The following STAB1 variants were observed in gnomAD, a reference collection of about 807,000 sequenced individuals.
STAB1 encodes the protein stabilin 1.
In STAB1, 250 loss-of-function variants were observed where a neutral mutation model predicts 332.4. That is an observed-to-expected ratio of 0.75 (90% CI 0.68 to 0.84). The LOEUF (loss-of-function observed/expected upper bound fraction) is 0.84. Among genes scored for constraint, STAB1 ranks in the 40% least tolerant of loss-of-function variants. The pLI, the probability that STAB1 is intolerant of heterozygous loss-of-function variation, is 0.00. For missense variants in STAB1, 3,249 were observed against 3,489.7 expected, an observed-to-expected ratio of 0.93 and a Z score of 1.74; for synonymous variants, 1,475 against 1,390.4, an observed-to-expected ratio of 1.06 and a Z score of -1.35.
intron 12 of STAB1, 45 bp downstream of exon 12, chr3:52,504,921 G>A (rs1708732977): frequency 6.2e-7 from 1 of 1,613,162 alleles, no homozygotes; most frequent in African/African-American, 1.3e-5. Flanking sequence ...GTCACAGCCT[G>A]GCAAGGGTGT....
At position 52,517,058 on chromosome 3, in the gene STAB1, C is replaced by T. The variant is rs750745300; in HGVS notation, c.4438C>T (p.Arg1480Trp). The change falls in exon 42 of 69, where the codon CGG (arginine) becomes TGG (tryptophan). Residue 1480 changes from arginine (R) to tryptophan (W), a missense_variant. Transcript: ENST00000321725. ...CTGTACCAAGGTGGCACCTGGGCAG[C>T]GGACATGCACCTGCCAGGATGGCTA... is the stretch of plus-strand genomic sequence containing the variant. The part of the protein sequence containing the change: ...ANCTKVAPGQ[R>W]TCTCQDGYMG... 23 of 1,598,580 alleles carry T rather than the reference C, an allele frequency of 1.4e-5. No individual in the cohort carries two copies. In the Middle Eastern group the frequency reaches 5.0e-4, roughly 35 times the overall value.
intron 19 of STAB1, 108 bp downstream of exon 19, chr3:52,507,783 C>T (rs1043142629): frequency 2.7e-6 from 4 of 1,499,404 alleles, no homozygotes; most frequent in Non-Finnish European, 2.8e-6. Context: ...GGCTAGATCA[C>T]ACCTGGAGGC....
At chr3:52,519,730 C>T (rs1255355014) in intron 50 of STAB1, 166 bp downstream of exon 50, 4 of 1,187,450 alleles carry the variant, frequency 3.4e-6, no homozygotes, top group African/African-American at 3.0e-5. Context: ...CATGTGCACC[C>T]CAGGTTGAGC....
chr3:52,522,953 G>T lies in STAB1; in HGVS notation c.6910+13G>T, dbSNP rs369409749. 5 of 1,609,650 alleles carry T rather than the reference G, an allele frequency of 3.1e-6. No individual in the cohort carries two copies. In the African/African-American group the frequency reaches 4.0e-5, roughly 13 times the overall value. ...TTCCGTGTGCAAGGTGTGTCCACCCGACCAAACCCTACTTCCCCTGCTCTG... is the reference window on the plus strand; with the variant it reads ...TTCCGTGTGCAAGGTGTGTCCACCCTACCAAACCCTACTTCCCCTGCTCTG... On this transcript the variant is annotated intron_variant, in intron 62 of 68. Transcript: ENST00000321725.
chr3:52,523,202 C>T lies in STAB1; in HGVS notation c.7021-20C>T. The T allele has an allele frequency of 6.2e-7, 1 of 1,612,878 alleles. No homozygotes were observed. Among genetic ancestry groups the T allele is most frequent in the South Asian group, 1.1e-5 (1 of 91,076 alleles). On this transcript the variant is annotated intron_variant, in intron 63 of 68. Transcript: ENST00000321725. ...CCGAGGAGGGAGCCTGCTCATAGTT[C>T]TGTCTTTCCACCGTGCCAGATGCTA...
At chr3:52,521,070 G>C in intron 55 of STAB1, 65 bp downstream of exon 55, 1 of 1,462,348 alleles carries the variant, frequency 6.8e-7, no homozygotes. Flanking sequence ...CACAGCTCTG[G>C]CCATTGTCCT....
rs902296281 is a variant in STAB1 at position 52,522,912 on chromosome 3, C to T, written c.6882C>T (p.Arg2294=). The T allele has an allele frequency of 1.2e-6, 2 of 1,613,376 alleles. No homozygotes were observed. The highest frequency in any genetic ancestry group is 2.2e-5 in the South Asian group (2 of 91,080). The change falls in exon 62 of 69, where the codon CGC becomes CGT. Residue 2294 remains arginine, a synonymous_variant. Coordinates refer to ENST00000321725, the MANE Select transcript of STAB1 (RefSeq NM_015136.3). ...SLGARKNLSE[R]WDAYCFRVQD... ...GTGCCCGCAAGAACCTCTCAGAACG[C>T]TGGGATGCCTACTGCTTCCGTGTGC... is the stretch of plus-strand genomic sequence containing the variant.
intron 25 of STAB1, 121 bp from the exon 26 acceptor site, chr3:52,511,529 A>T (rs1483747465): frequency 2.6e-6 from 2 of 767,960 alleles, no homozygotes; most frequent in East Asian, 2.9e-5. Context: ...GGCTGGGAGA[A>T]GTTCCTCTGG....
chr3:52,514,176 A>T lies in STAB1; in HGVS notation c.3509A>T (p.Asn1170Ile). Residue 1170 changes from asparagine to isoleucine, a missense_variant, in exon 33 of 69, where the codon AAC (asparagine) becomes ATC (isoleucine). By Grantham distance (149) the Asn-to-Ile change is moderately radical (BLOSUM62 -3). Transcript: ENST00000321725. ...GCCTACACCATCTTTGTGCCCACCA[A>T]CCGCTCCCTGGAGGCCCAGGGCAAC... Reference protein sequence around the residue: ...ATAYTIFVPTNRSLEAQGNSS... With the variant: ...ATAYTIFVPTIRSLEAQGNSS... 6.2e-7 allele frequency: 1 copy of T among 1,613,288 alleles called. No individual in the cohort carries two copies.
chr3:52,515,375 C>A (rs2078826323), intron 36 of STAB1, 48 bp from the exon 37 acceptor site: 20 of 1,583,320 alleles, frequency 1.3e-5, no homozygotes, highest in Non-Finnish European at 1.7e-5. Flanking sequence ...ACTGCCCTGC[C>A]CCTGCCCAAG....
At position 52,521,510 on chromosome 3, in the gene STAB1, G is replaced by A; in HGVS notation, c.6058G>A (p.Ala2020Thr). 6.2e-7 allele frequency: 1 copy of A among 1,613,990 alleles called. No individual in the cohort carries two copies. The highest frequency in any genetic ancestry group is 8.5e-7 in the Non-Finnish European group (1 of 1,180,022). The change falls in exon 56 of 69, where the codon GCC (alanine) becomes ACC (threonine). Residue 2020 changes from alanine (A) to threonine (T), a missense_variant and splice_region_variant. By Grantham distance (58) the Ala-to-Thr change is moderately conservative (BLOSUM62 0). Coordinates refer to ENST00000321725, the MANE Select transcript of STAB1 (RefSeq NM_015136.3). Reference sequence around the variant, plus strand: ...TGGTGCCTTTGGGCCCCATTGTCAAGGTGGGCCATCCCTGCCTGCCCCACG... The same window carrying A: ...TGGTGCCTTTGGGCCCCATTGTCAAAGTGGGCCATCCCTGCCTGCCCCACG... Reference protein sequence around the residue: ...APGAFGPHCQACRCTVHGRCD... With the variant: ...APGAFGPHCQTCRCTVHGRCD...
intron 50 of STAB1, 139 bp from the exon 51 acceptor site, chr3:52,519,801 GCACA>G: frequency 1.7e-6 from 2 of 1,203,586 alleles, no homozygotes; most frequent in East Asian, 5.1e-5. Context: ...TGAGATGTGT[GCACA>G]CACATGCCTG....
Position 52,521,481 on chromosome 3 carries a change from C to T in STAB1, c.6029C>T (p.Ala2010Val), listed in dbSNP as rs770022656. Residue 2010 changes from alanine (A) to valine (V), a missense_variant, in exon 56 of 69, where the codon GCT becomes GTT. Coordinates refer to ENST00000321725, the MANE Select transcript of STAB1 (RefSeq NM_015136.3). ...GFAGTACELCAPGAFGPHCQA... is the reference protein window; with the variant it reads ...GFAGTACELCVPGAFGPHCQA... ...GCTGGGACAGCCTGTGAACTCTGTG[C>T]TCCTGGTGCCTTTGGGCCCCATTGT... is the stretch of plus-strand genomic sequence containing the variant. The T allele has an allele frequency of 8.1e-6, 13 of 1,614,036 alleles. No individual in the cohort carries two copies. The highest frequency in any genetic ancestry group is 4.4e-5 in the South Asian group (4 of 91,092).
chr3:52,521,852 C>T lies in STAB1; in HGVS notation c.6172C>T (p.Pro2058Ser). The change falls in exon 58 of 69, where the codon CCT becomes TCT. Residue 2058 changes from proline (P) to serine (S), a missense_variant. By Grantham distance (74) the Pro-to-Ser change is moderately conservative. Coordinates refer to ENST00000321725, the MANE Select transcript of STAB1 (RefSeq NM_015136.3). ...PRCEVQLELQ[P>S]VCTPPCAPEA... is the part of the protein sequence containing the mutation. ...TGGGCCCTGGGGGACAGAGCTGCAG[C>T]CTGTGTGTACCCCACCCTGTGCACC... 6.3e-7 allele frequency: 1 copy of T among 1,597,588 alleles called. No individual in the cohort carries two copies. The highest frequency in any genetic ancestry group is 8.5e-7 in the Non-Finnish European group (1 of 1,170,606).
At chr3:52,499,960 C>T in intron 1 of STAB1, among the ~76,000 whole-genome samples, 1 of 149,156 alleles carries the variant, frequency 6.7e-6, no homozygotes, top group South Asian at 2.1e-4. Context: ...GTAGTCCCAG[C>T]TACTCGGGAG....
rs748293176 is a variant in STAB1, at chr3:52,516,208, C to T, written c.4114C>T (p.Leu1372=). The change falls in exon 38 of 69, where the codon CTG becomes TTG. Residue 1372 remains leucine (L), a synonymous_variant. Coordinates refer to ENST00000321725, the MANE Select transcript of STAB1 (RefSeq NM_015136.3). ...FHGTACEVCE[L]GRYGPNCTGV... is the part of the protein sequence containing the mutation. ...TGGAACGGCCTGTGAGGTGTGTGAG[C>T]TGGGCCGCTACGGGCCCAACTGCAC... The T allele has an allele frequency of 1.2e-6, 2 of 1,612,042 alleles. No individual in the cohort carries two copies. The highest frequency in any genetic ancestry group is 1.1e-5 in the South Asian group (1 of 91,046).
Position 52,504,488 on chromosome 3 carries a change from C to G in STAB1, c.1178C>G (p.Thr393Arg). Reference sequence around the variant, plus strand: ...CAGGGCTGCCGGGAAATCCTTACCACAGCGGGCCCTTTCACCGTGCTGGTG... The same window carrying G: ...CAGGGCTGCCGGGAAATCCTTACCAGAGCGGGCCCTTTCACCGTGCTGGTG... The part of the protein sequence containing the change: ...MDQGCREILT[T>R]AGPFTVLVPS... Residue 393 changes from threonine to arginine, a missense_variant, in exon 11 of 69, where the codon ACA becomes AGA. Physicochemically the swap from Thr to Arg is moderately conservative, Grantham distance 71. Transcript: ENST00000321725. 1 of 1,614,078 alleles carries G rather than the reference C, an allele frequency of 6.2e-7. No homozygotes were observed. Among genetic ancestry groups the G allele is most frequent in the East Asian group, 2.2e-5 (1 of 44,882 alleles).
intron 1 of STAB1, among the ~76,000 whole-genome samples, chr3:52,500,547 C>T (rs1000610084): frequency 6.6e-6 from 1 of 152,230 alleles, no homozygotes; most frequent in African/African-American, 2.4e-5. Context: ...TTGGTAGCAA[C>T]GTGGGAAAAT....
In STAB1 at chr3:52,520,286, G is replaced by A. The variant is rs569332503; in HGVS notation, c.5495G>A (p.Arg1832Gln). 1.1e-5 allele frequency: 18 copies of A among 1,613,120 alleles called. No individual in the cohort carries two copies. Among genetic ancestry groups the A allele is most frequent in the Admixed American group, 1.7e-5 (1 of 60,032 alleles). Reference protein sequence around the residue: ...TPISFSCSRTRAGELMVGEDD... With the variant: ...TPISFSCSRTQAGELMVGEDD... Reference sequence around the variant, plus strand: ...ATCTCTTTCTCCTGCAGCCGAACGCGGGCCGTGAGTCTGGGGAGAGGGCTT... The same window carrying A: ...ATCTCTTTCTCCTGCAGCCGAACGCAGGCCGTGAGTCTGGGGAGAGGGCTT... Residue 1832 changes from arginine (R) to glutamine (Q), a missense_variant, in exon 52 of 69, where the codon CGG (arginine) becomes CAG (glutamine). Transcript: ENST00000321725.
Sources: gnomAD v4.1 joint callset for allele counts (sites outside exome capture counted in the v4.1 genomes callset) on GRCh38, gnomAD v4.1.1 for gene constraint, MANE v1.5 for transcripts, NCBI Gene and HGNC (gene_info 2026-07-23, HGNC 2026-07-21) for gene names.